MTFR1: variants seen among roughly 807,000 people sequenced by gnomAD.
The protein encoded by MTFR1 is chondrocyte protein with a poly-proline region.
MTFR1 carries 28 observed loss-of-function variants against 38.8 expected under a neutral mutation model. That is an observed-to-expected ratio of 0.72 (90% CI 0.53 to 0.99). The LOEUF is 0.99. MTFR1 is among the 50% of genes least tolerant of loss of function. The pLI is 0.00. For missense variants in MTFR1, 358 were observed against 395.5 expected (o/e 0.91, Z 0.81); for synonymous variants, 145 against 137.0 (o/e 1.06, Z -0.41).
At chr8:65,718,189 A>T (rs1165364245) in intron 2 of MTFR1, 1 of 152,190 alleles carries the variant, frequency 6.6e-6, no homozygotes, top group Non-Finnish European at 1.5e-5. Context: ...GCTGCTCATT[A>T]TGTCACATTC....
At chr8:65,657,152 T>C (rs1809291534) in intron 1 of MTFR1, among the ~76,000 whole-genome samples, 1 of 151,996 alleles carries the variant, frequency 6.6e-6, no homozygotes, top group Non-Finnish European at 1.5e-5. Context: ...TAGCTAGGAT[T>C]ACAGGCATGC....
At chr8:65,654,580 G>GTGT (rs1554545190) in intron 1 of MTFR1, among the ~76,000 whole-genome samples, 2 of 151,474 alleles carry the variant, frequency 1.3e-5, no homozygotes, top group Admixed American at 1.3e-4. Flanking sequence ...CAATTTTTTT[G>GTGT]TGTGTTGTGT....
chr8:65,690,851 C>A (rs1805255334), intron 3 of MTFR1, among the ~76,000 whole-genome samples: 1 of 152,168 alleles, frequency 6.6e-6, no homozygotes, highest in Non-Finnish European at 1.5e-5. Context: ...CCATTAAATA[C>A]CATCTCTGCT....
chr8:65,655,117 C>A (rs781551756), intron 1 of MTFR1, among the ~76,000 whole-genome samples: 3 of 152,152 alleles, frequency 2.0e-5, no homozygotes, highest in African/African-American at 2.4e-5. Flanking sequence ...AATTCATCTG[C>A]ATGTGGCTGC....
chr8:65,761,930 C>T (rs182590999), intron 3 of MTFR1, among the ~76,000 whole-genome samples: 2 of 152,272 alleles, frequency 1.3e-5, no homozygotes, highest in East Asian at 3.9e-4. Flanking sequence ...ACCCAAATCG[C>T]ATGTTTTCCC....
At chr8:65,739,977 T>C (rs1023079850) in intron 3 of MTFR1, among the ~76,000 whole-genome samples, 4 of 152,194 alleles carry the variant, frequency 2.6e-5, no homozygotes, top group Non-Finnish European at 1.5e-5. Flanking sequence ...CTCTGCCATC[T>C]TGCTTTCACT....
intron 3 of MTFR1, among the ~76,000 whole-genome samples, chr8:65,743,261 T>G (rs2128903968): frequency 6.6e-6 from 1 of 152,308 alleles, no homozygotes; most frequent in East Asian, 1.9e-4. Context: ...AAGAAGAAGG[T>G]GGGCCACTTG....
rs139572739 is a variant in MTFR1 at position 65,653,404 on chromosome 8, C to T, written c.-81+8620C>T. Among the ~76,000 whole-genome samples, 545 of 152,070 alleles carry T rather than the reference C, an allele frequency of 3.6e-3. 7 individuals carry two copies. The highest frequency in any genetic ancestry group is 0.012 in the East Asian group (64 of 5,146). ...GTCTGCACCTGTAATCCCAGCTTCT[C>T]GGGAGGCTGAGGCCCAAGAATCGCT... is the stretch of plus-strand genomic sequence containing the variant. On this transcript the variant is annotated intron_variant, in intron 1 of 7. Coordinates refer to ENST00000262146, the MANE Select transcript of MTFR1 (RefSeq NM_014637.4).
At position 65,710,202 on chromosome 8, in the gene MTFR1, G is replaced by GAA; in HGVS notation, c.*1160_*1161dup. On this transcript the variant is annotated 3_prime_UTR_variant, in exon 8 of 8. Coordinates refer to ENST00000262146, the MANE Select transcript of MTFR1 (RefSeq NM_014637.4). ...GGAATATTTAAATCTAGTAAAAGAA[G>GAA]AAAGTTGTACTTCCTGGCTGGGAGT... is the stretch of plus-strand genomic sequence containing the variant. The GAA allele has an allele frequency of 6.6e-6, 1 of 152,292 alleles. No homozygotes were observed. Among genetic ancestry groups the GAA allele is most frequent in the East Asian group, 1.9e-4 (1 of 5,194 alleles). 9.4% of individuals were successfully genotyped at this position (152,292 alleles called of 1,614,324 possible). A position where few individuals can be genotyped will look rare whatever the true frequency, so the allele number is the denominator to read the frequency against.
intron 5 of MTFR1, 89 bp downstream of exon 5, chr8:65,705,018 T>G (rs1002724448): frequency 1.7e-6 from 2 of 1,151,432 alleles, no homozygotes; most frequent in Admixed American, 4.4e-5. Context: ...GTAACAGCTA[T>G]TGGGGTTCTT....
At chr8:65,764,517 T>C (rs1229012952) in intron 3 of MTFR1, among the ~76,000 whole-genome samples, 1 of 151,930 alleles carries the variant, frequency 6.6e-6, no homozygotes, top group African/African-American at 2.4e-5. Context: ...AAGAGAAAAA[T>C]ACTATAATGA....
intron 3 of MTFR1, among the ~76,000 whole-genome samples, chr8:65,685,760 A>G (rs903922984): frequency 2.0e-5 from 3 of 152,244 alleles, no homozygotes; most frequent in Non-Finnish European, 4.4e-5. Context: ...TCAATATGCT[A>G]ATAAAGGTAT....
At chr8:65,706,302 T>G (rs143530807) in intron 5 of MTFR1, among the ~76,000 whole-genome samples, 1 of 152,250 alleles carries the variant, frequency 6.6e-6, no homozygotes, top group African/African-American at 2.4e-5. Context: ...GCTGAAACTT[T>G]TGAGTAAAAA....
At chr8:65,754,463 G>A (rs988864085) in intron 3 of MTFR1, among the ~76,000 whole-genome samples, 8 of 151,276 alleles carry the variant, frequency 5.3e-5, no homozygotes, top group Non-Finnish European at 7.4e-5. Context: ...TCAGGCTCCC[G>A]AGTAGCTGGG....
chr8:65,684,105 G>T (rs1163851343), intron 3 of MTFR1, among the ~76,000 whole-genome samples: 2 of 152,156 alleles, frequency 1.3e-5, no homozygotes, highest in Non-Finnish European at 2.9e-5. Flanking sequence ...AACGTTTTCT[G>T]ATTGCAACCC....
At chr8:65,760,575 T>C (rs1250167802) in intron 3 of MTFR1, among the ~76,000 whole-genome samples, 1 of 152,166 alleles carries the variant, frequency 6.6e-6, no homozygotes, top group African/African-American at 2.4e-5. Context: ...TGTCCTAGAA[T>C]TGCTTCCAAA....
intron 1 of MTFR1, among the ~76,000 whole-genome samples, chr8:65,646,998 T>C (rs1808979070): frequency 6.6e-6 from 1 of 152,192 alleles, no homozygotes; most frequent in South Asian, 2.1e-4. Context: ...ATAGGAGTAA[T>C]TCAGAAGTCC....
downstream of MTFR1, among the ~76,000 whole-genome samples, chr8:65,712,447 A>C (rs1244707141): frequency 6.6e-6 from 1 of 152,192 alleles, no homozygotes; most frequent in Non-Finnish European, 1.5e-5. Flanking sequence ...CTCTAGAGTG[A>C]ATCAGTGCCA....
downstream of MTFR1, among the ~76,000 whole-genome samples, chr8:65,774,361 G>C (rs1020441426): frequency 6.6e-6 from 1 of 152,006 alleles, no homozygotes; most frequent in Non-Finnish European, 1.5e-5. Flanking sequence ...ACTCTGAATG[G>C]TTCCCTCTTT....
Sources: gnomAD v4.1 joint callset for allele counts (sites outside exome capture counted in the v4.1 genomes callset) on GRCh38, gnomAD v4.1.1 for gene constraint, MANE v1.5 for transcripts, NCBI Gene and HGNC (gene_info 2026-07-23, HGNC 2026-07-21) for gene names.